Variants in CEP76 observed in about 807,000 individuals in gnomAD.
CEP76 encodes centrosomal protein of 76 kDa.
CEP76 carries 55 observed loss-of-function variants against 83.3 expected under a neutral mutation model. The observed-to-expected ratio is 0.66, with a 90% confidence interval of 0.53 to 0.83. CEP76 has a LOEUF of 0.83. Among genes scored for constraint, CEP76 ranks in the 40% least tolerant of loss-of-function variants. The pLI, the probability that CEP76 is intolerant of heterozygous loss-of-function variation, is 0.00. For synonymous variants in CEP76, 270 were observed against 274.5 expected, an observed-to-expected ratio of 0.98 and a Z score of 0.16; for missense variants, 694 against 799.5, an observed-to-expected ratio of 0.87 and a Z score of 1.59.
Position 12,702,604 on chromosome 18 carries a change from C to T in CEP76, c.-56G>A. On this transcript the variant is annotated 5_prime_UTR_variant, in exon 1 of 12. Transcript: ENST00000262127. ...CCCCGCCTCAGATGCCCTAACTGCG[C>T]GGCCCCGGCCGGGCCAGGGAGCGTT... 3 of 1,554,738 alleles carry T rather than the reference C, an allele frequency of 1.9e-6. No individual in the cohort carries two copies. The highest frequency in any genetic ancestry group is 2.6e-6 in the Non-Finnish European group (3 of 1,154,882).
intron 2 of CEP76, chr18:12,700,402 G>A (rs920034016): frequency 6.6e-6 from 1 of 152,572 alleles, no homozygotes; most frequent in Non-Finnish European, 1.5e-5. Flanking sequence ...ATATTACCCA[G>A]GTATTGAGGT....
chr18:12,682,044 G>A (rs2039369611), intron 8 of CEP76, among the ~76,000 whole-genome samples: 1 of 151,910 alleles, frequency 6.6e-6, no homozygotes, highest in African/African-American at 2.4e-5. Flanking sequence ...ACTGTGTTCT[G>A]TGAAAAAAAT....
chr18:12,680,001 G>A (rs2039288033), intron 9 of CEP76, among the ~76,000 whole-genome samples: 1 of 151,420 alleles, frequency 6.6e-6, no homozygotes. Flanking sequence ...GGCTGCAGTG[G>A]GCTGTGACTG....
At chr18:12,699,224 T>C (rs1415860044) in intron 3 of CEP76, 21 bp from the exon 4 acceptor site, 3 of 1,507,392 alleles carry the variant, frequency 2.0e-6, no homozygotes, top group Non-Finnish European at 2.7e-6. Flanking sequence ...TAGCAATATA[T>C]ATGAGGAAAC....
At chr18:12,667,176 T>C (rs529817758) in intron 12 of CEP76, among the ~76,000 whole-genome samples, 1 of 152,290 alleles carries the variant, frequency 6.6e-6, no homozygotes, top group South Asian at 2.1e-4. Context: ...AAATATTATT[T>C]TGGGCTGGGC....
intron 7 of CEP76, chr18:12,686,819 T>C (rs2039557349): frequency 6.2e-6 from 1 of 161,590 alleles, no homozygotes; most frequent in Non-Finnish European, 1.4e-5. Context: ...ATATAGAATT[T>C]AACAACATAT....
At position 12,680,780 on chromosome 18, in the gene CEP76, A is replaced by G. The variant is rs764500466; in HGVS notation, c.1171T>C (p.Tyr391His). The G allele has an allele frequency of 6.2e-7, 1 of 1,613,708 alleles. No homozygotes were observed. The highest frequency in any genetic ancestry group is 2.2e-5 in the East Asian group (1 of 44,854). Reference sequence around the variant, plus strand: ...ACACAAACAAAGGCTTCTAATCCATATCCAAGAAGAAGGCTGCACAGAAGG... The same window carrying G: ...ACACAAACAAAGGCTTCTAATCCATGTCCAAGAAGAAGGCTGCACAGAAGG... ...ANLLCSLLLGYGLEAFVCVGT... is the reference protein window; with the variant it reads ...ANLLCSLLLGHGLEAFVCVGT... Residue 391 changes from tyrosine (Y) to histidine (H), a missense_variant, in exon 9 of 12, where the codon TAT becomes CAT. Coordinates refer to ENST00000262127, the MANE Select transcript of CEP76 (RefSeq NM_024899.4).
chr18:12,702,086 AC>A (rs753901888), intron 1 of CEP76, among the ~76,000 whole-genome samples: 4 of 152,330 alleles, frequency 2.6e-5, no homozygotes, highest in African/African-American at 9.6e-5. Flanking sequence ...AGATCGTGCC[AC>A]TGCACTCCAG....
chr18:12,664,272 G>C (rs1313009896), intron 12 of CEP76, among the ~76,000 whole-genome samples: 1 of 152,100 alleles, frequency 6.6e-6, no homozygotes, highest in African/African-American at 2.4e-5. Context: ...GGCCGGGCAT[G>C]GTGGCTCACA....
At chr18:12,666,762 CTT>C (rs1454269532) in intron 12 of CEP76, among the ~76,000 whole-genome samples, 3 of 151,288 alleles carry the variant, frequency 2.0e-5, no homozygotes, top group African/African-American at 7.3e-5. Context: ...AAAAAAAAAA[CTT>C]TTGAATTGAT....
intron 2 of CEP76, chr18:12,700,368 T>G (rs1263518778): frequency 6.5e-6 from 1 of 152,702 alleles, no homozygotes; most frequent in African/African-American, 2.4e-5. Flanking sequence ...TATTGTATTA[T>G]GAAGTCCATC....
At chr18:12,677,686 T>G (rs1330058202) in intron 10 of CEP76, among the ~76,000 whole-genome samples, 9 of 152,136 alleles carry the variant, frequency 5.9e-5, no homozygotes, top group Non-Finnish European at 1.2e-4. Context: ...CTTGAACTCC[T>G]GGGCTCAAGC....
chr18:12,680,614 A>C (rs1029639223), intron 9 of CEP76, 48 bp downstream of exon 9: 98 of 1,408,056 alleles, frequency 7.0e-5, no homozygotes, highest in Non-Finnish European at 9.0e-5. Context: ...AAAAAAAAAA[A>C]AAACTTATAA....
intron 9 of CEP76, among the ~76,000 whole-genome samples, chr18:12,678,673 C>T (rs1054532325): frequency 5.3e-5 from 8 of 151,948 alleles, no homozygotes; most frequent in African/African-American, 1.9e-4. Context: ...TCTATGTATA[C>T]TGTTAAGATC....
Position 12,678,350 on chromosome 18 carries a change from T to C in CEP76, c.1382A>G (p.Asn461Ser), listed in dbSNP as rs1598622045. 2 of 1,614,160 alleles carry C rather than the reference T, an allele frequency of 1.2e-6. No homozygotes were observed. The highest frequency in any genetic ancestry group is 1.7e-6 in the Non-Finnish European group (2 of 1,180,016). ...YPYRTIGCVF[N>S]HQMFLGNCQP... Reference sequence around the variant, plus strand: ...ACAATTTCCCAGGAACATCTGATGGTTGAAAACACAACCAATTGTTCGATA... The same window carrying C: ...ACAATTTCCCAGGAACATCTGATGGCTGAAAACACAACCAATTGTTCGATA... Residue 461 changes from asparagine (N) to serine (S), a missense_variant, in exon 10 of 12, where the codon AAC (asparagine) becomes AGC (serine). Asn to Ser is a conservative substitution (Grantham distance 46). Transcript: ENST00000262127.
At chr18:12,693,389 A>C (rs2039835060) in intron 6 of CEP76, among the ~76,000 whole-genome samples, 1 of 152,018 alleles carries the variant, frequency 6.6e-6, no homozygotes, top group African/African-American at 2.4e-5. Flanking sequence ...ACACCACTGC[A>C]CTCAAGCCTG....
At chr18:12,674,359 T>C (rs2039044425) in intron 11 of CEP76, among the ~76,000 whole-genome samples, 177 bp downstream of exon 11, 1 of 151,126 alleles carries the variant, frequency 6.6e-6, no homozygotes, top group Non-Finnish European at 1.5e-5. Context: ...GAAGGGTCAC[T>C]TGGGCCCAGG....
At chr18:12,684,896 GTAAT>G (rs1408472336) in intron 8 of CEP76, 1 of 152,078 alleles carries the variant, frequency 6.6e-6, no homozygotes, top group Non-Finnish European at 1.5e-5. Flanking sequence ...TTCAAAAAGT[GTAAT>G]TAAATATACA....
chr18:12,672,222 C>T (rs373511476), downstream of CEP76, among the ~76,000 whole-genome samples: 8 of 151,902 alleles, frequency 5.3e-5, no homozygotes, highest in East Asian at 9.7e-4. Flanking sequence ...TCAAGCGATT[C>T]TCCTGCCTCA....
Sources: allele counts gnomAD v4.1 joint callset (sites outside exome capture counted in the v4.1 genomes callset), GRCh38; gene constraint gnomAD v4.1.1; transcripts MANE v1.5; gene names NCBI Gene and HGNC (gene_info 2026-07-23, HGNC 2026-07-21).